Variants in SFMBT2 observed in about 807,000 individuals in gnomAD.
The protein encoded by SFMBT2 is scm-like with four MBT domains protein 2.
SFMBT2 carries 38 observed loss-of-function variants against 110.1 expected under a neutral mutation model. The observed-to-expected ratio is 0.35, with a 90% confidence interval of 0.27 to 0.45. The LOEUF is 0.45. SFMBT2 is among the 20% of genes least tolerant of loss of function. The probability of loss-of-function intolerance (pLI) is 1.00; values close to 1 mark genes in which losing one functional copy is unlikely to be tolerated. For synonymous variants in SFMBT2, 425 were observed against 425.4 expected, an observed-to-expected ratio of 1.00 and a Z score of 0.01; for missense variants, 1,011 against 1,094.9, an observed-to-expected ratio of 0.92 and a Z score of 1.08.
chr10:7,407,087 T>G (rs1846237492), intron 1 of SFMBT2, among the ~76,000 whole-genome samples: 1 of 152,080 alleles, frequency 6.6e-6, no homozygotes, highest in Admixed American at 6.5e-5. Context: ...AGACGGTATT[T>G]ATTTATGGAA....
chr10:7,202,757 C>G lies in SFMBT2; in HGVS notation c.1445-235G>C, dbSNP rs185648646. ...TCGTTCATTTAATCTTATCATTACA[C>G]TAGCTACTTTATTTTTAAATGTGCA... On this transcript the variant is annotated intron_variant, in intron 12 of 20. Transcript: ENST00000397167. 2,332 of 985,384 alleles carry G rather than the reference C, an allele frequency of 2.4e-3. 3 individuals carry two copies. Among genetic ancestry groups the G allele is most frequent in the Non-Finnish European group, 2.6e-3 (2,172 of 829,864 alleles). 61.0% of individuals were successfully genotyped at this position (985,384 alleles called of 1,614,324 possible).
chr10:7,385,794 T>C (rs1232955642), intron 1 of SFMBT2, among the ~76,000 whole-genome samples: 2 of 151,892 alleles, frequency 1.3e-5, no homozygotes, highest in East Asian at 1.9e-4. Flanking sequence ...GGTCAGGAGA[T>C]CAAGACCATC....
intron 12 of SFMBT2, chr10:7,205,167 T>G (rs1178605383): frequency 9.9e-6 from 2 of 201,624 alleles, no homozygotes; most frequent in Admixed American, 1.3e-4. Context: ...ATTGCAGCGT[T>G]GACCTCCCGG....
At chr10:7,318,524 T>C (rs1843080603) in intron 4 of SFMBT2, among the ~76,000 whole-genome samples, 1 of 152,218 alleles carries the variant, frequency 6.6e-6, no homozygotes, top group African/African-American at 2.4e-5. Context: ...TCAAGAATCT[T>C]ATGACTTGAA....
intron 6 of SFMBT2, among the ~76,000 whole-genome samples, chr10:7,278,098 T>A (rs1192537460): frequency 6.6e-6 from 1 of 152,194 alleles, no homozygotes; most frequent in Non-Finnish European, 1.5e-5. Flanking sequence ...CAACCACACA[T>A]CCTCTGCGTG....
chr10:7,288,341 A>G (rs960731284), intron 4 of SFMBT2, among the ~76,000 whole-genome samples: 1 of 152,224 alleles, frequency 6.6e-6, no homozygotes, highest in African/African-American at 2.4e-5. Context: ...GCTTATAATA[A>G]AGAATAACTC....
At chr10:7,272,766 G>A (rs951393478) in intron 7 of SFMBT2, among the ~76,000 whole-genome samples, 1 of 152,118 alleles carries the variant, frequency 6.6e-6, no homozygotes, top group Non-Finnish European at 1.5e-5. Context: ...CACTCCAGGG[G>A]CTGACCACCA....
chr10:7,359,398 T>C (rs984992151), intron 4 of SFMBT2, among the ~76,000 whole-genome samples: 2 of 151,950 alleles, frequency 1.3e-5, no homozygotes, highest in Non-Finnish European at 2.9e-5. Flanking sequence ...CTCTGACAAT[T>C]ATGGAAGTGA....
rs1844945431 is a variant in SFMBT2, at chr10:7,367,521, A to G, written c.436+128T>C. The G allele has an allele frequency of 2.1e-6, 3 of 1,427,488 alleles. No homozygotes were observed. In the African/African-American group the frequency reaches 4.3e-5, roughly 20 times the overall value. 88.4% of individuals were successfully genotyped at this position (1,427,488 alleles called of 1,614,324 possible). Reference sequence around the variant, plus strand: ...AGGAAACCTGAGAAACCACTCTGAAAGAACTGTGAGACCTTTGCACTAAGA... The same window carrying G: ...AGGAAACCTGAGAAACCACTCTGAAGGAACTGTGAGACCTTTGCACTAAGA... On this transcript the variant is annotated intron_variant, in intron 4 of 20. Coordinates refer to ENST00000397167, the MANE Select transcript of SFMBT2 (RefSeq NM_001387889.1). This position sits in a 1 kb window ranked among gnomAD's most constrained non-coding sequence, Gnocchi z 6.2.
At chr10:7,256,918 C>G (rs762435587) in intron 7 of SFMBT2, among the ~76,000 whole-genome samples, 1 of 151,928 alleles carries the variant, frequency 6.6e-6, no homozygotes, top group Non-Finnish European at 1.5e-5. Flanking sequence ...ATTATGAAAC[C>G]CCATCTCTAC....
intron 1 of SFMBT2, among the ~76,000 whole-genome samples, chr10:7,393,090 T>A: frequency 6.8e-6 from 1 of 146,988 alleles, no homozygotes; most frequent in Non-Finnish European, 1.5e-5. Flanking sequence ...TGGAATGCAG[T>A]GGTGTGATCT....
At chr10:7,198,344 G>T (rs1025037905) in intron 14 of SFMBT2, among the ~76,000 whole-genome samples, 4 of 152,218 alleles carry the variant, frequency 2.6e-5, no homozygotes, top group Non-Finnish European at 5.9e-5. Flanking sequence ...TTTCAGGACT[G>T]TCAACAGTGC....
In SFMBT2 at chr10:7,170,464, C is replaced by T. The variant is rs1057435644; in HGVS notation, c.2544+464G>A. Among the ~76,000 whole-genome samples the T allele has an allele frequency of 1.3e-5, 2 of 152,150 alleles. No homozygotes were observed. Among genetic ancestry groups the T allele is most frequent in the South Asian group, 2.1e-4 (1 of 4,816 alleles). On this transcript the variant is annotated intron_variant, in intron 20 of 20. Coordinates refer to ENST00000397167, the MANE Select transcript of SFMBT2 (RefSeq NM_001387889.1). The surrounding 1 kb of genome is among the most constrained non-coding windows in gnomAD (Gnocchi z 4.6). ...AGGCAGAGTGTGCTATCCTGACTTC[C>T]GGCCTGGCCAGGTGGCAACTGGGCA... is the stretch of plus-strand genomic sequence containing the variant.
At chr10:7,201,607 C>T (rs1478470396) in intron 13 of SFMBT2, among the ~76,000 whole-genome samples, 4 of 152,170 alleles carry the variant, frequency 2.6e-5, no homozygotes, top group South Asian at 2.1e-4. Context: ...AATTTAAACT[C>T]GACTACCGCA....
chr10:7,390,323 T>C (rs2132102234), intron 1 of SFMBT2, among the ~76,000 whole-genome samples: 1 of 152,322 alleles, frequency 6.6e-6, no homozygotes, highest in Admixed American at 6.5e-5. Flanking sequence ...AGTTTTAATG[T>C]AATAATGTCA....
rs74998030 is a variant in SFMBT2 at position 7,195,739 on chromosome 10, T to C, written c.1698+1809A>G. Among the ~76,000 whole-genome samples, 534 of 152,292 alleles carry C rather than the reference T, an allele frequency of 3.5e-3. 3 individuals carry two copies. The highest frequency in any genetic ancestry group is 0.012 in the African/African-American group (510 of 41,562). ...CCACCTGTTCCGCAGTCCCCACAGA[T>C]TGCAGATGCCTCCGGTGTGATCTCA... On this transcript the variant is annotated intron_variant, in intron 15 of 20. Transcript: ENST00000397167.
chr10:7,409,076 C>T (rs1846299470), intron 1 of SFMBT2, among the ~76,000 whole-genome samples: 1 of 150,354 alleles, frequency 6.7e-6, no homozygotes, highest in Non-Finnish European at 1.5e-5. Context: ...CGCGCTCCCG[C>T]CCTTCTGCCC....
intron 1 of SFMBT2, among the ~76,000 whole-genome samples, chr10:7,405,836 CCG>C (rs1846196554): frequency 7.3e-6 from 1 of 137,260 alleles, no homozygotes; most frequent in Non-Finnish European, 1.6e-5. Flanking sequence ...CCCCCGACCC[CCG>C]CTCTCTCTGT....
chr10:7,336,651 CTCAATCAATCAA>C (rs59171440), intron 4 of SFMBT2, among the ~76,000 whole-genome samples: 4 of 150,664 alleles, frequency 2.7e-5, no homozygotes, highest in East Asian at 2.0e-4. Context: ...GAGACCCTGT[CTCAATCAATCAA>C]TCAATCAATC....
Sources: allele counts gnomAD v4.1 joint callset (sites outside exome capture counted in the v4.1 genomes callset), GRCh38; gene constraint gnomAD v4.1.1; non-coding constraint Gnocchi (gnomAD v3.1); transcripts MANE v1.5; gene names NCBI Gene and HGNC (gene_info 2026-07-23, HGNC 2026-07-21).